Variants in TSPAN12 observed in about 807,000 individuals in gnomAD.
The protein encoded by TSPAN12 is tetraspanin-12.
In TSPAN12, 19 loss-of-function variants were observed where a neutral mutation model predicts 39.2. That is an observed-to-expected ratio of 0.49 (90% CI 0.34 to 0.71). TSPAN12 has a LOEUF of 0.71. Among genes scored for constraint, TSPAN12 ranks in the 30% least tolerant of loss-of-function variants. The pLI, the probability that TSPAN12 is intolerant of heterozygous loss-of-function variation, is 0.01. For synonymous variants in TSPAN12, 119 were observed against 124.8 expected (o/e 0.95, Z 0.31); for missense variants, 314 against 359.9 (o/e 0.87, Z 1.03).
At chr7:120,790,642 G>C (rs567548595) in intron 7 of TSPAN12, among the ~76,000 whole-genome samples, 1 of 152,316 alleles carries the variant, frequency 6.6e-6, no homozygotes, top group African/African-American at 2.4e-5. Context: ...ACAGAGCAAG[G>C]TGGCTGCTAC....
At chr7:120,809,531 A>G (rs1793937820) in intron 6 of TSPAN12, among the ~76,000 whole-genome samples, 1 of 152,212 alleles carries the variant, frequency 6.6e-6, no homozygotes. Context: ...ACCTCTGCCC[A>G]TATCCAGGAC....
At position 120,796,529 on chromosome 7, in the gene TSPAN12, T is replaced by C. The variant is rs534629632; in HGVS notation, c.613-7632A>G. 1.1e-4 allele frequency among the ~76,000 whole-genome samples: 17 copies of C among 152,324 alleles called. 1 individual carries two copies. In the East Asian group the frequency reaches 3.3e-3, roughly 29 times the overall value. On this transcript the variant is annotated intron_variant, in intron 7 of 7. Coordinates refer to ENST00000222747, the MANE Select transcript of TSPAN12 (RefSeq NM_012338.4). ...GTTTCTCATGTCGTATCTCAATTTATCTTTGTATATTACAGTGATGTGGGT... is the reference window on the plus strand; with the variant it reads ...GTTTCTCATGTCGTATCTCAATTTACCTTTGTATATTACAGTGATGTGGGT...
Position 120,839,970 on chromosome 7 carries a change from G to A in TSPAN12, c.149+57C>T, listed in dbSNP as rs1030748013. On this transcript the variant is annotated intron_variant, in intron 3 of 7. Transcript: ENST00000222747. Reference sequence around the variant, plus strand: ...AGAGCACTACCATATAAATAGCTGAGGGCAAAGTTACTTAAAATCAGCAAG... The same window carrying A: ...AGAGCACTACCATATAAATAGCTGAAGGCAAAGTTACTTAAAATCAGCAAG... The A allele has an allele frequency of 9.7e-6, 14 of 1,438,838 alleles. No individual in the cohort carries two copies. The African/African-American group carries it at 1.1e-4, about 12-fold the overall frequency. 89.1% of individuals were successfully genotyped at this position (1,438,838 alleles called of 1,614,324 possible). A position where few individuals can be genotyped will look rare whatever the true frequency, so the allele number is the denominator to read the frequency against.
At chr7:120,809,864 TGAA>T (rs1793943947) in intron 6 of TSPAN12, among the ~76,000 whole-genome samples, 1 of 152,180 alleles carries the variant, frequency 6.6e-6, no homozygotes, top group African/African-American at 2.4e-5. Context: ...ATAGGCTAAA[TGAA>T]ATCGCATCAT....
At position 120,856,848 on chromosome 7, in the gene TSPAN12, G is replaced by A. The variant is rs1456453523; in HGVS notation, c.-70-15C>T. On this transcript the variant is annotated splice_polypyrimidine_tract_variant and intron_variant, in intron 1 of 7. Coordinates refer to ENST00000222747, the MANE Select transcript of TSPAN12 (RefSeq NM_012338.4). ...ACGGCAGCGATCTGCAGGGGGCGGG[G>A]GAGAGAGAACACGGGACATCTCACC... 8 of 1,437,670 alleles carry A rather than the reference G, an allele frequency of 5.6e-6. No homozygotes were observed. The highest frequency in any genetic ancestry group is 7.8e-6 in the Non-Finnish European group (8 of 1,022,740). 89.1% of individuals were successfully genotyped at this position (1,437,670 alleles called of 1,614,324 possible). A position where few individuals can be genotyped will look rare whatever the true frequency, so the allele number is the denominator to read the frequency against.
chr7:120,798,414 C>G (rs780926375), intron 7 of TSPAN12, among the ~76,000 whole-genome samples: 24 of 152,158 alleles, frequency 1.6e-4, no homozygotes, highest in African/African-American at 3.1e-4. Flanking sequence ...ATAAAAGAAC[C>G]CTGAGAATGG....
chr7:120,801,122 T>A (rs1001729069), intron 7 of TSPAN12, among the ~76,000 whole-genome samples: 2 of 152,124 alleles, frequency 1.3e-5, no homozygotes, highest in African/African-American at 4.8e-5. Flanking sequence ...TTAAATGATT[T>A]TTTTTTTCTT....
At chr7:120,816,985 C>T (rs1794095802) in intron 4 of TSPAN12, among the ~76,000 whole-genome samples, 1 of 151,962 alleles carries the variant, frequency 6.6e-6, no homozygotes, top group Non-Finnish European at 1.5e-5. Flanking sequence ...TGTATTTCAC[C>T]AAAGCAGATA....
At chr7:120,820,434 T>C (rs1185298676) in intron 4 of TSPAN12, among the ~76,000 whole-genome samples, 1 of 152,136 alleles carries the variant, frequency 6.6e-6, no homozygotes, top group Non-Finnish European at 1.5e-5. Context: ...ACACCATCCA[T>C]AATGACTTGT....
At chr7:120,809,042 G>A (rs1235828144) in intron 6 of TSPAN12, among the ~76,000 whole-genome samples, 1 of 151,408 alleles carries the variant, frequency 6.6e-6, no homozygotes, top group Non-Finnish European at 1.5e-5. Context: ...CCATCCGCAA[G>A]CAGTCATTGC....
chr7:120,850,488 T>G (rs1794749888), intron 2 of TSPAN12, among the ~76,000 whole-genome samples: 1 of 152,176 alleles, frequency 6.6e-6, no homozygotes, highest in South Asian at 2.1e-4. Context: ...ACTTCCCCAG[T>G]GTCCCAGCTC....
intron 4 of TSPAN12, among the ~76,000 whole-genome samples, chr7:120,833,942 T>C (rs1562949478): frequency 6.6e-6 from 1 of 152,184 alleles, no homozygotes; most frequent in Non-Finnish European, 1.5e-5. Context: ...ACTTTCTCTG[T>C]TAATGGGAGA....
At chr7:120,853,025 A>C (rs1374577947) in intron 2 of TSPAN12, among the ~76,000 whole-genome samples, 3 of 152,186 alleles carry the variant, frequency 2.0e-5, no homozygotes, top group African/African-American at 7.2e-5. Flanking sequence ...CTGAAGAAGT[A>C]AAATCAGTTT....
At chr7:120,799,483 T>G (rs1439661605) in intron 7 of TSPAN12, among the ~76,000 whole-genome samples, 4 of 113,014 alleles carry the variant, frequency 3.5e-5, no homozygotes, top group East Asian at 2.6e-4. Flanking sequence ...TTTTTATAAT[T>G]ATATATAATT....
chr7:120,843,829 C>T (rs1794622067), intron 2 of TSPAN12, among the ~76,000 whole-genome samples: 1 of 152,188 alleles, frequency 6.6e-6, no homozygotes, highest in Non-Finnish European at 1.5e-5. Flanking sequence ...TCTGTGGGCA[C>T]ATGTTCTCCC....
intron 6 of TSPAN12, among the ~76,000 whole-genome samples, chr7:120,807,103 TATTAA>T (rs751994558): frequency 5.3e-5 from 8 of 152,140 alleles, no homozygotes; most frequent in Non-Finnish European, 1.0e-4. Flanking sequence ...TCAAATATTA[TATTAA>T]AAGTTTCTGT....
rs776239832 is a variant in TSPAN12 at position 120,838,911 on chromosome 7, C to T, written c.151G>A (p.Val51Ile). ...NVLTLTAETR[V>I]EEAVILTYFP... ...TAAGTCAAAATGACTGCTTCCTCTA[C>T]CCTGAAAGAAGAAAAATAATGTATT... The change falls in exon 4 of 8, where the codon GTA (valine) becomes ATA (isoleucine). Residue 51 changes from valine to isoleucine, a missense_variant and splice_region_variant. Val to Ile is a conservative substitution (Grantham distance 29). Coordinates refer to ENST00000222747, the MANE Select transcript of TSPAN12 (RefSeq NM_012338.4). 4 of 1,613,686 alleles carry T rather than the reference C, an allele frequency of 2.5e-6. No individual in the cohort carries two copies. Among genetic ancestry groups the T allele is most frequent in the South Asian group, 1.1e-5 (1 of 91,074 alleles).
intron 3 of TSPAN12, 93 bp downstream of exon 3, chr7:120,839,934 A>G (rs1230133486): frequency 9.3e-7 from 1 of 1,073,668 alleles, no homozygotes; most frequent in African/African-American, 1.6e-5. Context: ...ACTTTTCCAA[A>G]AGATCAAGGA....
Position 120,810,430 on chromosome 7 carries a change from C to T in TSPAN12, c.468+33G>A, listed in dbSNP as rs191813478. 3.6e-5 allele frequency: 48 copies of T among 1,346,142 alleles called. No individual in the cohort carries two copies. In the African/African-American group the frequency reaches 4.9e-4, roughly 14 times the overall value. 83.4% of individuals were successfully genotyped at this position (1,346,142 alleles called of 1,614,324 possible). A position where few individuals can be genotyped will look rare whatever the true frequency, so the allele number is the denominator to read the frequency against. ...TGGTTTGAAGGTGCACCACTTACTT[C>T]ACTCTCTCTACCTCAGAAATTGTAG... On this transcript the variant is annotated intron_variant, in intron 6 of 7. Transcript: ENST00000222747.
Sources: gnomAD v4.1 joint callset for allele counts (sites outside exome capture counted in the v4.1 genomes callset) on GRCh38, gnomAD v4.1.1 for gene constraint, MANE v1.5 for transcripts, NCBI Gene and HGNC (gene_info 2026-07-23, HGNC 2026-07-21) for gene names.